Variants in KAT14 observed in about 807,000 individuals in gnomAD.
KAT14 encodes the protein cysteine-rich protein 2-binding protein.
KAT14 carries 66 observed loss-of-function variants against 78.4 expected under a neutral mutation model. The ratio of observed to expected loss-of-function variants is 0.84; its 90% CI spans 0.69 to 1.03. The LOEUF is 1.03. Among genes scored for constraint, KAT14 ranks in the 50% least tolerant of loss-of-function variants. The pLI is 0.00. For missense variants in KAT14, 870 were observed against 972.5 expected (o/e 0.89, Z 1.40); for synonymous variants, 344 against 359.4 (o/e 0.96, Z 0.48).
intron 5 of KAT14, 151 bp downstream of exon 5, chr20:18,159,416 T>C: frequency 2.5e-6 from 2 of 815,550 alleles, no homozygotes; most frequent in Non-Finnish European, 3.6e-6. Flanking sequence ...CTTGTGTGTG[T>C]GCTAGAAATA....
intron 7 of KAT14, among the ~76,000 whole-genome samples, chr20:18,176,300 C>CAA (rs11484238): frequency 0.36 from 39,891 of 111,244 alleles, 8,136 homozygotes; most frequent in Non-Finnish European, 0.43. Context: ...GACTTCGTCT[C>CAA]AAAAAAAAAA....
chr20:18,176,326 A>T (rs529546375), intron 7 of KAT14, among the ~76,000 whole-genome samples: 152 of 149,770 alleles, frequency 1.0e-3, no homozygotes, highest in African/African-American at 3.5e-3. Flanking sequence ...AAAAGTGCCA[A>T]GCGCTATTCT....
At chr20:18,160,503 A>G (rs1197710742) in intron 5 of KAT14, among the ~76,000 whole-genome samples, 1 of 152,190 alleles carries the variant, frequency 6.6e-6, no homozygotes, top group Non-Finnish European at 1.5e-5. Flanking sequence ...ATTTCATTAC[A>G]TCCATTATAT....
intron 4 of KAT14, among the ~76,000 whole-genome samples, chr20:18,151,971 C>G (rs552354327): frequency 3.3e-5 from 5 of 149,580 alleles, no homozygotes; most frequent in African/African-American, 1.2e-4. Flanking sequence ...CCATTGCACT[C>G]CAGCCTGGGC....
intron 4 of KAT14, among the ~76,000 whole-genome samples, chr20:18,156,976 GT>G (rs1300858130): frequency 6.6e-6 from 1 of 152,154 alleles, no homozygotes; most frequent in Non-Finnish European, 1.5e-5. Flanking sequence ...CAGTTTTTCT[GT>G]GTTTAAGTTA....
chr20:18,170,683 C>T (rs559675508), intron 7 of KAT14, among the ~76,000 whole-genome samples: 46 of 152,266 alleles, frequency 3.0e-4, no homozygotes, highest in African/African-American at 9.1e-4. Context: ...TACAGGCGTC[C>T]GCCACCATGC....
chr20:18,138,984 G>A (rs73256064), intron 1 of KAT14, among the ~76,000 whole-genome samples: 4,245 of 151,998 alleles, frequency 0.028, 204 homozygotes, highest in African/African-American at 0.098. Context: ...TTCACCAAGG[G>A]TGAAAATAAT....
intron 5 of KAT14, among the ~76,000 whole-genome samples, chr20:18,160,512 A>G (rs1238091258): frequency 6.6e-6 from 1 of 152,256 alleles, no homozygotes; most frequent in Non-Finnish European, 1.5e-5. Context: ...CATCCATTAT[A>G]TAATTATGTG....
intron 7 of KAT14, among the ~76,000 whole-genome samples, chr20:18,172,571 A>G (rs2038886700): frequency 6.6e-6 from 1 of 152,120 alleles, no homozygotes; most frequent in African/African-American, 2.4e-5. Flanking sequence ...CCAGCCTTAA[A>G]CATAATTTTT....
intron 7 of KAT14, among the ~76,000 whole-genome samples, chr20:18,168,113 T>C (rs1386316145): frequency 6.6e-6 from 1 of 152,240 alleles, no homozygotes; most frequent in Non-Finnish European, 1.5e-5. Context: ...ACTTTTTCAT[T>C]TAAATGATAG....
At chr20:18,177,548 C>T (rs552170555) in intron 7 of KAT14, among the ~76,000 whole-genome samples, 1 of 152,122 alleles carries the variant, frequency 6.6e-6, no homozygotes, top group South Asian at 2.1e-4. Flanking sequence ...TCAGTTTTAC[C>T]TTGAAACTGA....
Position 18,162,124 on chromosome 20 carries a change from T to C in KAT14, c.984T>C (p.Ser328=). 6.2e-7 allele frequency: 1 copy of C among 1,614,220 alleles called. No individual in the cohort carries two copies. Among genetic ancestry groups the C allele is most frequent in the Non-Finnish European group, 8.5e-7 (1 of 1,180,044 alleles). ...DRTPLTSPSP[S]PSLDFSAPGT... ...CCCCGCTGACAAGCCCATCTCCTTCTCCTTCTCTGGATTTCTCTGCCCCTG... is the reference window on the plus strand; with the variant it reads ...CCCCGCTGACAAGCCCATCTCCTTCCCCTTCTCTGGATTTCTCTGCCCCTG... Residue 328 remains serine, a synonymous_variant, in exon 6 of 11, where the codon TCT becomes TCC. Coordinates refer to ENST00000688188, the MANE Select transcript of KAT14 (RefSeq NM_001392073.1).
chr20:18,182,213 C>T (rs1048168671), intron 8 of KAT14, among the ~76,000 whole-genome samples: 3 of 151,920 alleles, frequency 2.0e-5, no homozygotes, highest in African/African-American at 4.8e-5. Context: ...CCTCTGCCTC[C>T]GGGGTTCAGG....
chr20:18,178,961 A>G (rs1216004040), intron 7 of KAT14, among the ~76,000 whole-genome samples: 1 of 152,196 alleles, frequency 6.6e-6, no homozygotes, highest in African/African-American at 2.4e-5. Context: ...GGGTACAGGT[A>G]TTGGGTAAAT....
rs1046554174 is a variant in KAT14 at position 18,142,058 on chromosome 20, A to G, written c.-453-150A>G. 7.7e-6 allele frequency: 6 copies of G among 780,044 alleles called. No homozygotes were observed. The African/African-American group carries it at 8.7e-5, about 11-fold the overall frequency. The allele number at this position is 780,044 out of a possible 1,614,324, so 48.3% of individuals were successfully genotyped here. A position where few individuals can be genotyped will look rare whatever the true frequency, so the allele number is the denominator to read the frequency against. On this transcript the variant is annotated intron_variant, in intron 1 of 10. Coordinates refer to ENST00000688188, the MANE Select transcript of KAT14 (RefSeq NM_001392073.1). ...TATTTGATCGTTTATTACATTTTAC[A>G]TTTGTACAGAAAATTAAAATAGTAA...
chr20:18,161,438 A>G (rs2038417155), intron 5 of KAT14, among the ~76,000 whole-genome samples: 1 of 152,126 alleles, frequency 6.6e-6, no homozygotes, highest in South Asian at 2.1e-4. Flanking sequence ...TTTTTTCTCA[A>G]GAGATATCTA....
Position 18,141,051 on chromosome 20 carries a change from T to TTTTTTTTTTTG in KAT14, c.-453-1156_-453-1155insTTTTTTTTTGT, listed in dbSNP as rs58888387. Among the ~76,000 whole-genome samples the TTTTTTTTTTTG allele has an allele frequency of 1.9e-3, 211 of 109,644 alleles. 8 individuals are homozygous for TTTTTTTTTTTG. The highest frequency in any genetic ancestry group is 5.3e-3 in the Middle Eastern group (1 of 190). 71.9% of individuals were successfully genotyped at this position (109,644 alleles called of 152,430 possible). ...TTTTTTTTTTTTTTTTTTTTTATTT[T>TTTTTTTTTTTG]TATTTTTGCTAGAGATGGGATTTTG... On this transcript the variant is annotated intron_variant, in intron 1 of 10. Transcript: ENST00000688188.
At chr20:18,159,382 C>CT in intron 5 of KAT14, 117 bp downstream of exon 5, 1 of 1,128,636 alleles carries the variant, frequency 8.9e-7, no homozygotes. Context: ...TGGAGCTACT[C>CT]TGTTTAACAC....
chr20:18,138,834 C>T (rs540647933), intron 1 of KAT14, among the ~76,000 whole-genome samples: 6 of 152,250 alleles, frequency 3.9e-5, no homozygotes, highest in African/African-American at 1.4e-4. Flanking sequence ...GTGGAAGCTA[C>T]CTCACTAAGC....
Sources: allele counts gnomAD v4.1 joint callset (sites outside exome capture counted in the v4.1 genomes callset), GRCh38; gene constraint gnomAD v4.1.1; transcripts MANE v1.5; gene names NCBI Gene and HGNC (gene_info 2026-07-23, HGNC 2026-07-21).